SUGCT: variants seen among roughly 807,000 people sequenced by gnomAD.
The protein encoded by SUGCT is succinyl-CoA:glutarate-CoA transferase, also known as succinyl-CoA:glutarate CoA-transferase.
SUGCT carries 41 observed loss-of-function variants against 55.0 expected under a neutral mutation model. That is an observed-to-expected ratio of 0.74 (90% CI 0.58 to 0.97). The LOEUF (loss-of-function observed/expected upper bound fraction) is 0.97, where lower values mean the gene tolerates loss of function less well. SUGCT is among the 50% of genes least tolerant of loss of function. The probability of loss-of-function intolerance (pLI) is 0.00; values close to 1 mark genes in which losing one functional copy is unlikely to be tolerated. For missense variants in SUGCT, 568 were observed against 547.8 expected, an observed-to-expected ratio of 1.04 and a Z score of -0.37; for synonymous variants, 187 against 200.4, an observed-to-expected ratio of 0.93 and a Z score of 0.56.
chr7:40,400,800 C>T (rs866308129), intron 9 of SUGCT, among the ~76,000 whole-genome samples: 17 of 152,028 alleles, frequency 1.1e-4, no homozygotes, highest in Admixed American at 5.2e-4. Context: ...CAGGGTCCTT[C>T]GATAGTCATA....
At chr7:40,572,875 C>CAGGA (rs1796528520) in intron 12 of SUGCT, among the ~76,000 whole-genome samples, 1 of 152,092 alleles carries the variant, frequency 6.6e-6, no homozygotes, top group South Asian at 2.1e-4. Flanking sequence ...TGGCATCAAA[C>CAGGA]TTCTGTGAAA....
chr7:40,317,516 T>G (rs1795505664), intron 9 of SUGCT, among the ~76,000 whole-genome samples: 1 of 152,246 alleles, frequency 6.6e-6, no homozygotes, highest in Non-Finnish European at 1.5e-5. Flanking sequence ...GCATATCTCC[T>G]GTACTCTATT....
intron 12 of SUGCT, among the ~76,000 whole-genome samples, chr7:40,525,183 T>C (rs1046372992): frequency 1.1e-4 from 16 of 152,216 alleles, no homozygotes; most frequent in African/African-American, 3.9e-4. Context: ...CTTTAATGCC[T>C]ATTCTCACGT....
the SUGCT span, among the ~76,000 whole-genome samples, chr7:41,012,567 G>A: frequency 2.0e-5 from 3 of 152,298 alleles, no homozygotes; most frequent in Non-Finnish European, 2.9e-5. Flanking sequence ...ATGATCAATG[G>A]TAGCTATCTG....
intron 6 of SUGCT, among the ~76,000 whole-genome samples, chr7:40,218,194 C>T (rs966722437): frequency 6.6e-6 from 1 of 152,124 alleles, no homozygotes; most frequent in African/African-American, 2.4e-5. Context: ...GCCTGGGTGA[C>T]AGAGCTAGAC....
chr7:40,315,115 A>G (rs1795358295), intron 8 of SUGCT, among the ~76,000 whole-genome samples: 2 of 152,130 alleles, frequency 1.3e-5, no homozygotes, highest in Admixed American at 6.6e-5. Context: ...GCTTTTTTAA[A>G]AAAAATTTGA....
chr7:40,985,294 C>A, the SUGCT span, among the ~76,000 whole-genome samples: 1 of 152,124 alleles, frequency 6.6e-6, no homozygotes, highest in Admixed American at 6.6e-5. Flanking sequence ...ATTTATGGAG[C>A]ACCTGGTTGG....
chr7:40,997,963 C>G, the SUGCT span, among the ~76,000 whole-genome samples: 6 of 152,094 alleles, frequency 3.9e-5, no homozygotes, highest in Non-Finnish European at 8.8e-5. Flanking sequence ...CAATGCTCAC[C>G]AGCTACTCCT....
At chr7:41,001,916 G>T in the SUGCT span, among the ~76,000 whole-genome samples, 1 of 152,224 alleles carries the variant, frequency 6.6e-6, no homozygotes, top group Non-Finnish European at 1.5e-5. Context: ...TATACAGAAA[G>T]AATCTGATGA....
intron 1 of SUGCT, chr7:40,152,294 A>C (rs1788615663): frequency 6.6e-6 from 1 of 152,238 alleles, no homozygotes; most frequent in Non-Finnish European, 1.5e-5. Flanking sequence ...TTCCACCCAA[A>C]GATAGTTCAG....
In SUGCT at chr7:40,188,553, T is replaced by C. The variant is rs1254171791; in HGVS notation, c.285T>C (p.Tyr95=). 1.9e-6 allele frequency: 3 copies of C among 1,608,702 alleles called. No individual in the cohort carries two copies. Among genetic ancestry groups the C allele is most frequent in the Non-Finnish European group, 2.5e-6 (3 of 1,178,452 alleles). The change falls in exon 4 of 14, where the codon TAT becomes TAC. Residue 95 remains tyrosine (Y), a synonymous_variant. Coordinates refer to ENST00000335693, the MANE Select transcript of SUGCT (RefSeq NM_001193313.2). ...GPPFVGTEST[Y]YLSVNRNKKS... ...CTTTTGTTGGGACAGAAAGTACATATTATCTCAGTGTTAACCGAAATAAAA... is the reference window on the plus strand; with the variant it reads ...CTTTTGTTGGGACAGAAAGTACATACTATCTCAGTGTTAACCGAAATAAAA...
intron 9 of SUGCT, among the ~76,000 whole-genome samples, chr7:40,322,340 C>T (rs1264698266): frequency 6.6e-6 from 1 of 152,168 alleles, no homozygotes; most frequent in African/African-American, 2.4e-5. Flanking sequence ...TTTTTATGCT[C>T]TCTAGTGCAG....
chr7:40,869,745 C>T, the SUGCT span, among the ~76,000 whole-genome samples: 1 of 152,080 alleles, frequency 6.6e-6, no homozygotes, highest in Non-Finnish European at 1.5e-5. Context: ...TTAGTCTCCT[C>T]CAATCTGGGT....
rs896747739 is a variant in SUGCT at position 40,566,320 on chromosome 7, C to T, written c.1089+69934C>T. On this transcript the variant is annotated intron_variant, in intron 12 of 13. Coordinates refer to ENST00000335693, the MANE Select transcript of SUGCT (RefSeq NM_001193313.2). ...GGGCCCTGTTTTCAGGACATTTGGC[C>T]GTCGTGACTCTGGTATGGCTCTGCT... is the stretch of plus-strand genomic sequence containing the variant. Among the ~76,000 whole-genome samples the T allele has an allele frequency of 5.3e-5, 8 of 152,298 alleles. No homozygotes were observed. The South Asian group carries it at 6.2e-4, about 12-fold the overall frequency.
the SUGCT span, among the ~76,000 whole-genome samples, chr7:40,931,394 G>T: frequency 1.3e-5 from 2 of 151,924 alleles, no homozygotes; most frequent in Non-Finnish European, 2.9e-5. Context: ...TTTTTTTGTT[G>T]TATCTCTGCC....
chr7:40,807,527 G>A (rs777882096), intron 13 of SUGCT, among the ~76,000 whole-genome samples: 4 of 152,160 alleles, frequency 2.6e-5, no homozygotes, highest in Non-Finnish European at 4.4e-5. Context: ...TCAAAAAGCT[G>A]AGATTTAGGA....
chr7:40,166,725 A>C (rs2150664598), intron 1 of SUGCT, among the ~76,000 whole-genome samples: 1 of 152,204 alleles, frequency 6.6e-6, no homozygotes, highest in South Asian at 2.1e-4. Flanking sequence ...TGTCTCCACT[A>C]AAAATACAAA....
the SUGCT span, among the ~76,000 whole-genome samples, chr7:41,019,750 G>A: frequency 6.6e-6 from 1 of 152,154 alleles, no homozygotes; most frequent in South Asian, 2.1e-4. Flanking sequence ...TGCCTGATGG[G>A]GGTGTTATCT....
intron 1 of SUGCT, among the ~76,000 whole-genome samples, chr7:40,161,074 C>G (rs1332703358): frequency 6.6e-6 from 1 of 152,122 alleles, no homozygotes; most frequent in African/African-American, 2.4e-5. Context: ...TTTGCTTCCC[C>G]TTCTCTATCT....
Sources: gnomAD v4.1 joint callset for allele counts (sites outside exome capture counted in the v4.1 genomes callset) on GRCh38, gnomAD v4.1.1 for gene constraint, MANE v1.5 for transcripts, NCBI Gene and HGNC (gene_info 2026-07-23, HGNC 2026-07-21) for gene names.